Variants in FUT9 observed in about 807,000 individuals in gnomAD.
The protein encoded by FUT9 is fucosyltransferase 9, also known as 4-galactosyl-N-acetylglucosaminide 3-alpha-L-fucosyltransferase 9.
In FUT9, 15 loss-of-function variants were observed where a neutral mutation model predicts 29.7. The ratio of observed to expected loss-of-function variants is 0.51; its 90% CI spans 0.34 to 0.78. The LOEUF is 0.78. Among genes scored for constraint, FUT9 ranks in the 30% least tolerant of loss-of-function variants. The pLI is 0.01. For missense variants in FUT9, 319 were observed against 425.4 expected, an observed-to-expected ratio of 0.75 and a Z score of 2.20; for synonymous variants, 169 against 153.7, an observed-to-expected ratio of 1.10 and a Z score of -0.74.
At chr6:96,113,637 C>T (rs955365311) in intron 1 of FUT9, among the ~76,000 whole-genome samples, 3 of 151,596 alleles carry the variant, frequency 2.0e-5, no homozygotes, top group East Asian at 2.0e-4. Context: ...GGGCGGATCA[C>T]GTCAGGAGAT....
At chr6:96,108,927 G>A (rs527694469) in intron 1 of FUT9, among the ~76,000 whole-genome samples, 7 of 152,160 alleles carry the variant, frequency 4.6e-5, no homozygotes, top group Middle Eastern at 3.4e-3. Context: ...CAGAGAGAGA[G>A]TGTTAGGAAC....
chr6:96,126,065 C>T (rs909453377), intron 2 of FUT9, among the ~76,000 whole-genome samples: 1 of 152,152 alleles, frequency 6.6e-6, no homozygotes, highest in Non-Finnish European at 1.5e-5. Flanking sequence ...TCTTCTACCC[C>T]CAATAGTGCT....
chr6:96,073,869 GACTC>G (rs1158381830), intron 1 of FUT9, among the ~76,000 whole-genome samples: 3 of 152,246 alleles, frequency 2.0e-5, no homozygotes, highest in Admixed American at 6.5e-5. Context: ...AATGAAGAAA[GACTC>G]ATTCATTCAT....
At position 96,207,180 on chromosome 6, in the gene FUT9, A is replaced by T. The variant is rs1189891018; in HGVS notation, c.*2945A>T. ...ATAATTGCTTTTCTTTCTACTTATGAGTTAACTAGATCCAGAGATATTTAT... is the reference window on the plus strand; with the variant it reads ...ATAATTGCTTTTCTTTCTACTTATGTGTTAACTAGATCCAGAGATATTTAT... On this transcript the variant is annotated 3_prime_UTR_variant, in exon 3 of 3. Transcript: ENST00000302103. 6.0e-6 allele frequency: 1 copy of T among 165,488 alleles called. No homozygotes were observed. Among genetic ancestry groups the T allele is most frequent in the African/African-American group, 2.4e-5 (1 of 41,352 alleles). 10.3% of individuals were successfully genotyped at this position (165,488 alleles called of 1,614,324 possible).
chr6:96,171,564 T>G (rs1244340561), intron 2 of FUT9, among the ~76,000 whole-genome samples: 1 of 152,218 alleles, frequency 6.6e-6, no homozygotes, highest in Non-Finnish European at 1.5e-5. Context: ...CCTCCACTTA[T>G]GGCTCACAAA....
chr6:96,208,637 T>A lies in FUT9; in HGVS notation c.*4402T>A, dbSNP rs777586647. The A allele has an allele frequency of 4.2e-5, 7 of 166,760 alleles. No individual in the cohort carries two copies. Among genetic ancestry groups the A allele is most frequent in the Non-Finnish European group, 7.4e-5 (5 of 67,998 alleles). The allele number at this position is 166,760 out of a possible 1,614,324, so 10.3% of individuals were successfully genotyped here. On this transcript the variant is annotated 3_prime_UTR_variant, in exon 3 of 3. Coordinates refer to ENST00000302103, the MANE Select transcript of FUT9 (RefSeq NM_006581.4). The stretch of plus-strand genomic sequence containing the variant: ...GGATGCAAAAGGAAGGCATTTTAAT[T>A]CCTTTCTATCTTACAACATTGTAAA...
At chr6:96,134,810 A>G (rs1203000773) in intron 2 of FUT9, among the ~76,000 whole-genome samples, 2 of 151,892 alleles carry the variant, frequency 1.3e-5, no homozygotes, top group Admixed American at 6.6e-5. Context: ...ACACTATACT[A>G]CTTCTCTCGT....
chr6:96,204,354 T>G lies in FUT9; in HGVS notation c.*119T>G. ...CACAATTTATTTTTATCACCCTCTC[T>G]AGGGTAACGTGTATATTTTGGTGGA... On this transcript the variant is annotated 3_prime_UTR_variant, in exon 3 of 3. Coordinates refer to ENST00000302103, the MANE Select transcript of FUT9 (RefSeq NM_006581.4). 1 of 637,356 alleles carries G rather than the reference T, an allele frequency of 1.6e-6. No individual in the cohort carries two copies. Among genetic ancestry groups the G allele is most frequent in the Non-Finnish European group, 2.5e-6 (1 of 403,898 alleles). 39.5% of individuals were successfully genotyped at this position (637,356 alleles called of 1,614,324 possible).
chr6:96,152,420 C>T (rs1772694333), intron 2 of FUT9, among the ~76,000 whole-genome samples: 1 of 152,082 alleles, frequency 6.6e-6, no homozygotes, highest in Non-Finnish European at 1.5e-5. Context: ...TATGTCACTG[C>T]CTATCTCTTC....
intron 2 of FUT9, among the ~76,000 whole-genome samples, chr6:96,173,363 C>A (rs1773147333): frequency 6.6e-6 from 1 of 152,114 alleles, no homozygotes; most frequent in South Asian, 2.1e-4. Context: ...AAAATGTTAG[C>A]TACATGAGAG....
intron 1 of FUT9, among the ~76,000 whole-genome samples, chr6:96,020,387 A>G (rs1442964506): frequency 2.0e-5 from 3 of 152,154 alleles, no homozygotes; most frequent in Non-Finnish European, 2.9e-5. Context: ...GTCATCACAG[A>G]GAAGGTTTCG....
At chr6:96,090,133 T>A (rs532792960) in intron 1 of FUT9, among the ~76,000 whole-genome samples, 3 of 152,174 alleles carry the variant, frequency 2.0e-5, no homozygotes, top group Admixed American at 6.5e-5. Context: ...AAGAAAGAGT[T>A]AACATTATTT....
intron 2 of FUT9, among the ~76,000 whole-genome samples, chr6:96,172,448 T>C (rs144296053): frequency 1.7e-3 from 261 of 152,260 alleles, no homozygotes; most frequent in African/African-American, 5.8e-3. Flanking sequence ...TGAATACAAT[T>C]TCAGGTGATT....
At chr6:96,098,780 C>A (rs928577388) in intron 1 of FUT9, among the ~76,000 whole-genome samples, 4 of 152,118 alleles carry the variant, frequency 2.6e-5, no homozygotes, top group African/African-American at 9.7e-5. Flanking sequence ...AACTATTCAA[C>A]CCACATTTAT....
At chr6:96,170,659 A>T (rs1040442581) in intron 2 of FUT9, among the ~76,000 whole-genome samples, 1 of 152,136 alleles carries the variant, frequency 6.6e-6, no homozygotes, top group Admixed American at 6.5e-5. Context: ...TTTTCCTATG[A>T]TATCTTCATA....
chr6:96,085,241 G>T (rs1771296401), intron 1 of FUT9, among the ~76,000 whole-genome samples: 2 of 152,138 alleles, frequency 1.3e-5, no homozygotes, highest in Admixed American at 6.6e-5. Flanking sequence ...ATACTGTGTA[G>T]CTTATAAACA....
At chr6:96,157,139 A>C (rs536198679) in intron 2 of FUT9, among the ~76,000 whole-genome samples, 1 of 152,302 alleles carries the variant, frequency 6.6e-6, no homozygotes, top group Admixed American at 6.5e-5. Context: ...TAAAAAGGCT[A>C]ACTAAGATGT....
chr6:96,083,516 T>C (rs1771270867), intron 1 of FUT9, among the ~76,000 whole-genome samples: 1 of 152,120 alleles, frequency 6.6e-6, no homozygotes, highest in African/African-American at 2.4e-5. Context: ...TAGTTCTACC[T>C]TTCATCCAAT....
At chr6:96,182,898 G>A (rs1773335630) in intron 2 of FUT9, among the ~76,000 whole-genome samples, 1 of 151,882 alleles carries the variant, frequency 6.6e-6, no homozygotes, top group Non-Finnish European at 1.5e-5. Flanking sequence ...TGTTCTTTTT[G>A]CTTAGTCTTG....
Sources: gnomAD v4.1 joint callset for allele counts (sites outside exome capture counted in the v4.1 genomes callset) on GRCh38, gnomAD v4.1.1 for gene constraint, MANE v1.5 for transcripts, NCBI Gene and HGNC (gene_info 2026-07-23, HGNC 2026-07-21) for gene names.